PRKG1: variants seen among roughly 807,000 people sequenced by gnomAD.
The protein encoded by PRKG1 is cGMP-dependent protein kinase 1.
Under a neutral mutation model 88.1 loss-of-function variants are expected in PRKG1, and 35 were observed. The ratio of observed to expected loss-of-function variants is 0.40; its 90% CI spans 0.30 to 0.53. The LOEUF is 0.53. Among genes scored for constraint, PRKG1 ranks in the 20% least tolerant of loss-of-function variants. The pLI is 0.59. For synonymous variants in PRKG1, 303 were observed against 292.5 expected, an observed-to-expected ratio of 1.04 and a Z score of -0.37; for missense variants, 540 against 839.8, an observed-to-expected ratio of 0.64 and a Z score of 4.41.
intron 4 of PRKG1, among the ~76,000 whole-genome samples, chr10:51,882,779 G>A (rs942314427): frequency 3.3e-5 from 5 of 152,092 alleles, no homozygotes; most frequent in Admixed American, 6.5e-5. Flanking sequence ...AATCCTTCAT[G>A]CCAATAGACT....
At chr10:52,125,798 T>C (rs570673232) in intron 7 of PRKG1, 5 of 152,310 alleles carry the variant, frequency 3.3e-5, no homozygotes, top group Middle Eastern at 3.4e-3. Context: ...TTCTTTCTTA[T>C]CAAGTCAATA....
chr10:51,858,293 A>ATTATATAAAATATATATAT lies in PRKG1; in HGVS notation c.699-49213_699-49212insTATATAAAATATATATATT, dbSNP rs1840752876. ...ATATTATACATATGTATAATTATAC[A>ATTATATAAAATATATATAT]TATGTATAATATATATATGTATAAT... is the stretch of plus-strand genomic sequence containing the variant. On this transcript the variant is annotated intron_variant, in intron 4 of 17. Transcript: ENST00000373980. Among the ~76,000 whole-genome samples the ATTATATAAAATATATATAT allele has an allele frequency of 1.1e-3, 17 of 15,204 alleles. 7 individuals are homozygous for ATTATATAAAATATATATAT. The highest frequency in any genetic ancestry group is 5.1e-3 in the African/African-American group (17 of 3,304). 10.0% of individuals were successfully genotyped at this position (15,204 alleles called of 152,430 possible).
At chr10:51,626,517 A>G (rs1839341383) in intron 3 of PRKG1, among the ~76,000 whole-genome samples, 1 of 152,106 alleles carries the variant, frequency 6.6e-6, no homozygotes, top group Admixed American at 6.5e-5. Flanking sequence ...TTCTCCTTAA[A>G]CTTCTGTTTC....
chr10:51,581,006 A>AG (rs1170142865), intron 3 of PRKG1, among the ~76,000 whole-genome samples: 44 of 150,068 alleles, frequency 2.9e-4, no homozygotes, highest in East Asian at 1.6e-3. Flanking sequence ...AGCTGGGTCC[A>AG]GGGGGGGGTC....
rs371763530 is a variant in PRKG1 at position 51,759,774 on chromosome 10, A to ATG, written c.593-44795_593-44794dup. Among the ~76,000 whole-genome samples the ATG allele has an allele frequency of 6.4e-3, 969 of 150,684 alleles. 8 individuals carry two copies. The highest frequency in any genetic ancestry group is 0.022 in the African/African-American group (888 of 41,158). Reference sequence around the variant, plus strand: ...TCAGTTTTGGTGTGTGCATGTGTGTATGTGTGTGTGTGTGTGTTTGTGTGT... The same window carrying ATG: ...TCAGTTTTGGTGTGTGCATGTGTGTATGTGTGTGTGTGTGTGTGTTTGTGTGT... On this transcript the variant is annotated intron_variant, in intron 3 of 17. Coordinates refer to ENST00000373980, the MANE Select transcript of PRKG1 (RefSeq NM_006258.4).
chr10:51,170,255 A>C (rs958123132), intron 2 of PRKG1, among the ~76,000 whole-genome samples: 5 of 152,088 alleles, frequency 3.3e-5, no homozygotes, highest in Non-Finnish European at 7.4e-5. Flanking sequence ...AATGAGGAAA[A>C]TACATAACTT....
intron 2 of PRKG1, among the ~76,000 whole-genome samples, chr10:51,166,347 G>C (rs1418476207): frequency 6.6e-6 from 1 of 152,082 alleles, no homozygotes; most frequent in East Asian, 1.9e-4. Flanking sequence ...GAATTTACAT[G>C]ACATTGCCTT....
At chr10:52,116,908 T>C (rs998461421) in intron 7 of PRKG1, among the ~76,000 whole-genome samples, 2 of 152,010 alleles carry the variant, frequency 1.3e-5, no homozygotes, top group African/African-American at 2.4e-5. Flanking sequence ...AGCTGATTAG[T>C]GGCACATTTG....
At chr10:51,173,464 T>C (rs1837106191) in intron 2 of PRKG1, among the ~76,000 whole-genome samples, 1 of 151,664 alleles carries the variant, frequency 6.6e-6, no homozygotes, top group Non-Finnish European at 1.5e-5. Context: ...AATTCTCAAC[T>C]TTTTAAAGAT....
chr10:51,368,631 A>G (rs1191955403), intron 2 of PRKG1, among the ~76,000 whole-genome samples: 1 of 152,102 alleles, frequency 6.6e-6, no homozygotes, highest in Non-Finnish European at 1.5e-5. Context: ...AGAGAGTGAA[A>G]TGTTTAAAAG....
At position 51,808,912 on chromosome 10, in the gene PRKG1, C is replaced by T. The variant is rs1351111113; in HGVS notation, c.698+4222C>T. On this transcript the variant is annotated intron_variant, in intron 4 of 17. Transcript: ENST00000373980. ...TTGTACATCCCAATGCCTTCCCAAC[C>T]GAGGAATTTCAGGAGCTGCCACAGG... Among the ~76,000 whole-genome samples, 9 of 152,180 alleles carry T rather than the reference C, an allele frequency of 5.9e-5. No homozygotes were observed. The East Asian group carries it at 1.2e-3, about 20-fold the overall frequency.
chr10:52,138,490 G>C (rs1443615896), intron 8 of PRKG1, among the ~76,000 whole-genome samples: 1 of 152,018 alleles, frequency 6.6e-6, no homozygotes, highest in Admixed American at 6.6e-5. Context: ...GGATCCAGTG[G>C]TCTTCATTCT....
At chr10:51,542,076 T>A (rs1317052904) in intron 3 of PRKG1, among the ~76,000 whole-genome samples, 5 of 152,028 alleles carry the variant, frequency 3.3e-5, no homozygotes, top group Admixed American at 3.3e-4. Flanking sequence ...ACAGATGAGA[T>A]TAAATTTTCT....
chr10:52,050,114 A>G (rs1357346821), intron 5 of PRKG1, among the ~76,000 whole-genome samples: 1 of 151,874 alleles, frequency 6.6e-6, no homozygotes, highest in African/African-American at 2.4e-5. Context: ...GAAGGCTAAG[A>G]TCTGAAAGAA....
At chr10:51,182,401 A>G (rs1399556205) in intron 2 of PRKG1, among the ~76,000 whole-genome samples, 2 of 152,220 alleles carry the variant, frequency 1.3e-5, no homozygotes, top group Non-Finnish European at 2.9e-5. Flanking sequence ...AGGTTCCTGT[A>G]TCCCAGGGCA....
At chr10:51,571,442 G>A (rs1837749833) in intron 3 of PRKG1, among the ~76,000 whole-genome samples, 1 of 151,734 alleles carries the variant, frequency 6.6e-6, no homozygotes, top group African/African-American at 2.4e-5. Flanking sequence ...ATTGGTGAAA[G>A]TGATATGAAA....
intron 1 of PRKG1, among the ~76,000 whole-genome samples, chr10:51,015,341 T>C (rs1254480813): frequency 6.6e-6 from 1 of 152,240 alleles, no homozygotes; most frequent in Non-Finnish European, 1.5e-5. Context: ...TATTTTCTGT[T>C]TTCTGAGACT....
chr10:51,492,759 A>G (rs1484580797), intron 3 of PRKG1, among the ~76,000 whole-genome samples: 1 of 152,172 alleles, frequency 6.6e-6, no homozygotes, highest in East Asian at 1.9e-4. Context: ...TTGAACTTAC[A>G]GGAATTAAAT....
intron 8 of PRKG1, among the ~76,000 whole-genome samples, chr10:52,139,839 C>T (rs571934515): frequency 2.4e-4 from 36 of 152,158 alleles, no homozygotes; most frequent in African/African-American, 8.4e-4. Flanking sequence ...TATAGAACTA[C>T]ATGACTCGGA....
Sources: gnomAD v4.1 joint callset for allele counts (sites outside exome capture counted in the v4.1 genomes callset) on GRCh38, gnomAD v4.1.1 for gene constraint, MANE v1.5 for transcripts, NCBI Gene and HGNC (gene_info 2026-07-23, HGNC 2026-07-21) for gene names.